The following SMCO2 variants were observed in gnomAD, a reference collection of about 807,000 sequenced individuals.
The protein encoded by SMCO2 is single-pass membrane and coiled-coil domain-containing protein 2.
Under a neutral mutation model 29.5 loss-of-function variants are expected in SMCO2, and 25 were observed. The observed-to-expected ratio is 0.85, with a 90% CI of 0.62 to 1.18. The LOEUF (loss-of-function observed/expected upper bound fraction) is 1.18, where lower values mean the gene tolerates loss of function less well. Ranked by LOEUF, SMCO2 falls within the 50% of genes most tolerant of loss-of-function variation. The pLI is 0.00. For missense variants in SMCO2, 348 were observed against 344.5 expected (o/e 1.01, Z -0.08); for synonymous variants, 117 against 123.3 (o/e 0.95, Z 0.34).
the SMCO2 span, among the ~76,000 whole-genome samples, chr12:27,436,201 TG>T: frequency 8.5e-5 from 13 of 152,266 alleles, no homozygotes; most frequent in Admixed American, 2.6e-4. Context: ...ACCATCACAG[TG>T]GGGGTTAGGA....
chr12:27,434,492 A>G, the SMCO2 span, among the ~76,000 whole-genome samples: 21 of 152,224 alleles, frequency 1.4e-4, no homozygotes, highest in Non-Finnish European at 2.8e-4. Context: ...ACATCTAATG[A>G]GCTGTCAAAC....
chr12:27,472,875 G>A, exon 3 of SMCO2: 5 of 1,549,212 alleles, frequency 3.2e-6, no homozygotes, highest in Non-Finnish European at 4.4e-6. Context: ...TCCTTCACAA[G>A]GTAGACACTG....
upstream of SMCO2, among the ~76,000 whole-genome samples, chr12:27,462,059 G>A (rs181131063): frequency 2.5e-4 from 38 of 152,294 alleles, no homozygotes; most frequent in African/African-American, 7.7e-4. Flanking sequence ...CTTACTTAGC[G>A]CAGAGCCTTA....
intron 1 of SMCO2, among the ~76,000 whole-genome samples, chr12:27,469,703 T>A (rs371193232): frequency 2.0e-5 from 3 of 152,224 alleles, no homozygotes; most frequent in African/African-American, 7.2e-5. Context: ...TTTCTGCCTA[T>A]AACTAGGAGT....
chr12:27,459,540 C>G, the SMCO2 span, among the ~76,000 whole-genome samples: 4 of 152,146 alleles, frequency 2.6e-5, no homozygotes, highest in Non-Finnish European at 4.4e-5. Flanking sequence ...ACCTGGGTGA[C>G]AAAATAACCT....
At chr12:27,462,209 G>A (rs144415968), upstream of SMCO2, among the ~76,000 whole-genome samples, 686 of 152,180 alleles carry the variant, frequency 4.5e-3, 6 homozygotes, top group African/African-American at 0.013. Flanking sequence ...TTCATTCGAC[G>A]TGCTAACAAT....
the SMCO2 span, among the ~76,000 whole-genome samples, chr12:27,428,095 A>G: frequency 1.1e-3 from 165 of 152,314 alleles, no homozygotes; most frequent in Middle Eastern, 3.4e-3. Flanking sequence ...TCTGAACACC[A>G]ATGTTAGGTT....
chr12:27,459,345 A>G, the SMCO2 span, among the ~76,000 whole-genome samples: 13 of 152,152 alleles, frequency 8.5e-5, no homozygotes, highest in Non-Finnish European at 1.3e-4. Flanking sequence ...GCTGGAGGCC[A>G]TTATCCTATG....
At chr12:27,480,569 G>A (rs557358262) in intron 4 of SMCO2, among the ~76,000 whole-genome samples, 113 of 152,236 alleles carry the variant, frequency 7.4e-4, no homozygotes, top group Non-Finnish European at 1.5e-3. Context: ...GTTGGAGGTG[G>A]GCCTAGTGGG....
chr12:27,437,407 G>A, the SMCO2 span, among the ~76,000 whole-genome samples: 4 of 151,826 alleles, frequency 2.6e-5, no homozygotes, highest in Non-Finnish European at 5.9e-5. Context: ...TGTCCAGTTT[G>A]GACTTTTTAG....
chr12:27,467,712 C>T (rs1329471106), intron 1 of SMCO2, among the ~76,000 whole-genome samples: 1 of 152,132 alleles, frequency 6.6e-6, no homozygotes, highest in Non-Finnish European at 1.5e-5. Context: ...TCAGAATTTG[C>T]AGGTTTCCAT....
At chr12:27,490,692 G>A (rs1949728082) in intron 5 of SMCO2, among the ~76,000 whole-genome samples, 1 of 152,194 alleles carries the variant, frequency 6.6e-6, no homozygotes, top group Non-Finnish European at 1.5e-5. Flanking sequence ...CACTTTGGGA[G>A]GCCAAGGGAG....
In SMCO2 at chr12:27,497,239, A is replaced by C. The variant is rs957007085; in HGVS notation, c.683+1384A>C. 2.0e-5 allele frequency: 3 copies of C among 152,558 alleles called. 1 individual carries two copies. The highest frequency in any genetic ancestry group is 7.4e-5 in the African/African-American group (3 of 40,352). 9.5% of individuals were successfully genotyped at this position (152,558 alleles called of 1,614,324 possible). On this transcript the variant is annotated intron_variant, in intron 7 of 7. Transcript: ENST00000298876. The stretch of plus-strand genomic sequence containing the variant: ...AGAGTAAAAATCCAGATATTATAAA[A>C]ACTTGAAAGTTTATCTGTGATATCT...
chr12:27,464,759 C>T (rs1448055862), upstream of SMCO2, among the ~76,000 whole-genome samples: 9 of 143,392 alleles, frequency 6.3e-5, no homozygotes, highest in South Asian at 4.4e-4. Flanking sequence ...TGGTGGCTCA[C>T]GCCTGTAATC....
chr12:27,435,237 C>T, the SMCO2 span, among the ~76,000 whole-genome samples: 1 of 122,926 alleles, frequency 8.1e-6, no homozygotes, highest in East Asian at 2.8e-4. Context: ...GCACTGTTGG[C>T]TGTTTAGCTG....
At chr12:27,425,604 C>T in the SMCO2 span, among the ~76,000 whole-genome samples, 1 of 152,164 alleles carries the variant, frequency 6.6e-6, no homozygotes, top group Non-Finnish European at 1.5e-5. Flanking sequence ...TTCCGGTGGA[C>T]CCTCTCCGCA....
At chr12:27,426,681 A>T in the SMCO2 span, among the ~76,000 whole-genome samples, 1 of 152,192 alleles carries the variant, frequency 6.6e-6, no homozygotes, top group Non-Finnish European at 1.5e-5. Flanking sequence ...GTTAGTAAAA[A>T]ATTCCTGAGA....
the SMCO2 span, among the ~76,000 whole-genome samples, chr12:27,439,597 A>C: frequency 0.035 from 5,320 of 152,284 alleles, 119 homozygotes; most frequent in Non-Finnish European, 0.046. Flanking sequence ...CTCCAAGATA[A>C]CACAGAAAAA....
At chr12:27,428,092 A>G in the SMCO2 span, among the ~76,000 whole-genome samples, 1 of 151,920 alleles carries the variant, frequency 6.6e-6, no homozygotes, top group African/African-American at 2.4e-5. Context: ...ATCTCTGAAC[A>G]CCAATGTTAG....
Sources: allele counts gnomAD v4.1 joint callset (sites outside exome capture counted in the v4.1 genomes callset), GRCh38; gene constraint gnomAD v4.1.1; transcripts MANE v1.5; gene names NCBI Gene and HGNC (gene_info 2026-07-23, HGNC 2026-07-21).